ZNF487: variants seen among roughly 807,000 people sequenced by gnomAD.
ZNF487 encodes KRAB domain only 1.
In ZNF487, 4 loss-of-function variants were observed where a neutral mutation model predicts 3.0. The observed-to-expected ratio is 1.35, with a 90% CI of 0.66 to 3.08. The LOEUF (loss-of-function observed/expected upper bound fraction) is 3.08, where lower values mean the gene tolerates loss of function less well. Among genes scored for constraint, ZNF487 ranks in the 30% most tolerant of loss-of-function variants. ZNF487 has a pLI of 0.01. For missense variants in ZNF487, 146 were observed against 98.7 expected, an observed-to-expected ratio of 1.48 and a Z score of -2.03; for synonymous variants, 55 against 34.6, an observed-to-expected ratio of 1.59 and a Z score of -2.06.
the ZNF487 span, among the ~76,000 whole-genome samples, chr10:43,500,522 G>C: frequency 1.3e-5 from 2 of 152,004 alleles, no homozygotes; most frequent in Non-Finnish European, 2.9e-5. Flanking sequence ...ATTTTTTTGA[G>C]ACAGGATCTT....
intron 1 of ZNF487, chr10:43,452,603 C>T: frequency 6.6e-6 from 1 of 152,192 alleles, no homozygotes; most frequent in East Asian, 1.9e-4. Flanking sequence ...AAGTGATCCT[C>T]TCTTGGCTTG....
At chr10:43,469,800 A>G (rs1363980163) in intron 1 of ZNF487, among the ~76,000 whole-genome samples, 3 of 152,028 alleles carry the variant, frequency 2.0e-5, no homozygotes. Context: ...AAATAGAAAA[A>G]TTAGGTGGGC....
intron 1 of ZNF487, among the ~76,000 whole-genome samples, chr10:43,440,977 C>A (rs2132030033): frequency 6.6e-6 from 1 of 150,482 alleles, no homozygotes; most frequent in South Asian, 2.1e-4. Flanking sequence ...AGAAATCCTC[C>A]CACCTTAGCC....
chr10:43,468,053 G>A (rs1840769811), intron 1 of ZNF487, among the ~76,000 whole-genome samples: 1 of 152,194 alleles, frequency 6.6e-6, no homozygotes, highest in Non-Finnish European at 1.5e-5. Flanking sequence ...CAAGTCTTCA[G>A]TGGAGGAAGT....
chr10:43,515,549 G>T, the ZNF487 span, among the ~76,000 whole-genome samples: 2 of 152,170 alleles, frequency 1.3e-5, no homozygotes, highest in Non-Finnish European at 2.9e-5. Flanking sequence ...ATTCCAAGTT[G>T]CAGGTCCTAT....
chr10:43,484,561 C>G (rs978194735), downstream of ZNF487, among the ~76,000 whole-genome samples: 1 of 151,962 alleles, frequency 6.6e-6, no homozygotes, highest in Non-Finnish European at 1.5e-5. Flanking sequence ...GAGCCGAGAT[C>G]ATGCCACTGC....
At chr10:43,439,175 G>A (rs1839486705) in intron 1 of ZNF487, among the ~76,000 whole-genome samples, 3 of 152,056 alleles carry the variant, frequency 2.0e-5, no homozygotes, top group Admixed American at 2.0e-4. Flanking sequence ...CCGGGAGGCC[G>A]AGGTTGCAGT....
chr10:43,497,966 C>CA, the ZNF487 span, among the ~76,000 whole-genome samples: 15 of 77,084 alleles, frequency 1.9e-4, no homozygotes, highest in South Asian at 1.1e-3. Context: ...GACTCCGTCT[C>CA]AAAAAAAAAG....
intron 1 of ZNF487, among the ~76,000 whole-genome samples, chr10:43,463,672 G>C (rs1200592427): frequency 6.7e-6 from 1 of 149,842 alleles, no homozygotes; most frequent in Non-Finnish European, 1.5e-5. Flanking sequence ...CTGTAGGCAC[G>C]AGCCACCTCA....
intron 1 of ZNF487, among the ~76,000 whole-genome samples, chr10:43,448,544 G>A (rs569215860): frequency 5.9e-5 from 9 of 151,542 alleles, no homozygotes; most frequent in East Asian, 3.9e-4. Flanking sequence ...GGCTGGGTGC[G>A]GTGGCTCCTG....
the ZNF487 span, among the ~76,000 whole-genome samples, chr10:43,498,100 TTTTTTTTTTTTTTC>T: frequency 0.12 from 1,140 of 9,226 alleles, 37 homozygotes; most frequent in Non-Finnish European, 0.16. Flanking sequence ...TATATATATA[TTTTTTTTTTTTTTC>T]TTTTTTTTTT....
the ZNF487 span, among the ~76,000 whole-genome samples, chr10:43,520,259 C>T: frequency 6.6e-6 from 1 of 152,074 alleles, no homozygotes; most frequent in South Asian, 2.1e-4. Flanking sequence ...CCTTCCTTTA[C>T]TAGGTAAGAT....
At chr10:43,519,998 T>G in the ZNF487 span, among the ~76,000 whole-genome samples, 56 of 152,342 alleles carry the variant, frequency 3.7e-4, no homozygotes, top group African/African-American at 1.3e-3. Context: ...GTACCTTGCA[T>G]ATATAATAAA....
At chr10:43,518,345 A>C in the ZNF487 span, among the ~76,000 whole-genome samples, 1 of 152,168 alleles carries the variant, frequency 6.6e-6, no homozygotes, top group Non-Finnish European at 1.5e-5. Context: ...CAAAGGAGCA[A>C]ATGGATACCC....
At chr10:43,508,544 C>T in the ZNF487 span, among the ~76,000 whole-genome samples, 2 of 152,068 alleles carry the variant, frequency 1.3e-5, no homozygotes, top group East Asian at 1.9e-4. Flanking sequence ...CACGGTGGCT[C>T]ATGCCTGTAA....
intron 1 of ZNF487, among the ~76,000 whole-genome samples, chr10:43,471,504 G>A (rs2132124323): frequency 6.6e-6 from 1 of 152,306 alleles, no homozygotes; most frequent in East Asian, 1.9e-4. Context: ...AGTCTTTCTA[G>A]GTACCCGCAC....
chr10:43,466,402 CTTTCT>C (rs759723483), intron 1 of ZNF487, among the ~76,000 whole-genome samples: 20 of 148,438 alleles, frequency 1.3e-4, no homozygotes, highest in African/African-American at 4.5e-4. Flanking sequence ...TTTTTTCTTT[CTTTCT>C]TTTTTTTTTT....
chr10:43,475,528 AT>A (rs1841064271), intron 1 of ZNF487, among the ~76,000 whole-genome samples, 192 bp from the exon 2 acceptor site: 1 of 152,038 alleles, frequency 6.6e-6, no homozygotes. Context: ...AAAAAAAAAA[AT>A]TAATATACCG....
chr10:43,475,608 A>G (rs746816885), intron 1 of ZNF487, 113 bp from the exon 2 acceptor site: 7 of 693,578 alleles, frequency 1.0e-5, no homozygotes, highest in Non-Finnish European at 1.6e-5. Context: ...CATCCTATGT[A>G]GCATTTTCTC....
Sources: allele counts gnomAD v4.1 joint callset (sites outside exome capture counted in the v4.1 genomes callset), GRCh38; gene constraint gnomAD v4.1.1; transcripts MANE v1.5; gene names NCBI Gene and HGNC (gene_info 2026-07-23, HGNC 2026-07-21).